The following KANK1 variants were observed in gnomAD, a reference collection of about 807,000 sequenced individuals.
KANK1 encodes KN motif and ankyrin repeat domains 1.
Under a neutral mutation model 106.2 loss-of-function variants are expected in KANK1, and 109 were observed. The observed-to-expected ratio is 1.03, with a 90% CI of 0.88 to 1.20. The LOEUF (loss-of-function observed/expected upper bound fraction) is 1.20, where lower values mean the gene tolerates loss of function less well. Among genes scored for constraint, KANK1 ranks in the 50% most tolerant of loss-of-function variants. The pLI is 0.00. For synonymous variants in KANK1, 873 were observed against 652.2 expected, an observed-to-expected ratio of 1.34 and a Z score of -5.16; for missense variants, 2,399 against 1,710.7, an observed-to-expected ratio of 1.40 and a Z score of -7.10.
chr9:573,303 T>C (rs1819680771), intron 1 of KANK1, among the ~76,000 whole-genome samples: 1 of 152,160 alleles, frequency 6.6e-6, no homozygotes, highest in African/African-American at 2.4e-5. Context: ...AGAGTCTCGC[T>C]CTGTCACCCA....
intron 1 of KANK1, among the ~76,000 whole-genome samples, chr9:563,082 C>T (rs1307653132): frequency 6.6e-6 from 1 of 152,222 alleles, no homozygotes; most frequent in East Asian, 1.9e-4. Context: ...GAGATTAGAT[C>T]AAGTACTCTT....
At chr9:636,521 C>G (rs889844858) in intron 1 of KANK1, among the ~76,000 whole-genome samples, 4 of 152,098 alleles carry the variant, frequency 2.6e-5, no homozygotes, top group African/African-American at 9.7e-5. Flanking sequence ...CAACAGAGTC[C>G]GAAACGTTGT....
At chr9:741,939 C>G (rs1835690457) in intron 9 of KANK1, among the ~76,000 whole-genome samples, 1 of 152,200 alleles carries the variant, frequency 6.6e-6, no homozygotes, top group Admixed American at 6.5e-5. Context: ...CTTTTAACCA[C>G]CACCTGAACT....
Position 678,960 on chromosome 9 carries a change from C to A in KANK1, c.37+1951C>A, listed in dbSNP as rs139695149. On this transcript the variant is annotated intron_variant, in intron 2 of 11. Transcript: ENST00000382297. The stretch of plus-strand genomic sequence containing the variant: ...TTCTTCTGGTGCCTTGGGCAAAATC[C>A]TTTCTTCATGGGTTTAGATACCTAC... 2.6e-4 allele frequency among the ~76,000 whole-genome samples: 39 copies of A among 152,172 alleles called. 1 individual carries two copies. The East Asian group carries it at 7.2e-3, about 28-fold the overall frequency.
chr9:610,065 C>G (rs933547171), intron 1 of KANK1, among the ~76,000 whole-genome samples: 3 of 152,110 alleles, frequency 2.0e-5, no homozygotes, highest in Admixed American at 2.0e-4. Context: ...ATAAAACTGA[C>G]TTTCTCATGT....
intron 1 of KANK1, among the ~76,000 whole-genome samples, chr9:520,059 C>T (rs747207360): frequency 6.6e-6 from 1 of 151,708 alleles, no homozygotes; most frequent in African/African-American, 2.4e-5. Context: ...TGACCATAGC[C>T]GGGTGCGGTG....
chr9:639,854 C>T (rs187527808), intron 1 of KANK1, among the ~76,000 whole-genome samples: 1 of 152,174 alleles, frequency 6.6e-6, no homozygotes, highest in Non-Finnish European at 1.5e-5. Flanking sequence ...ATAGTGCCTT[C>T]TATGTCCTTA....
intron 2 of KANK1, chr9:707,122 T>G (rs1424576134): frequency 1.0e-6 from 1 of 985,344 alleles, no homozygotes; most frequent in Admixed American, 6.1e-5. Flanking sequence ...CGGCCAAGTT[T>G]ACACGAATGT....
intron 5 of KANK1, chr9:731,547 C>G (rs1832273120): frequency 8.1e-6 from 2 of 245,714 alleles, no homozygotes; most frequent in Non-Finnish European, 1.6e-5. Flanking sequence ...CAGCAGGGTT[C>G]CTGCACTGTG....
intron 2 of KANK1, among the ~76,000 whole-genome samples, chr9:471,876 G>T (rs1412579010): frequency 6.6e-6 from 1 of 152,164 alleles, no homozygotes; most frequent in East Asian, 1.9e-4. Context: ...GTAGGTGGGT[G>T]TTGCTAGCCA....
intron 1 of KANK1, among the ~76,000 whole-genome samples, chr9:531,686 T>C (rs1228255483): frequency 1.3e-5 from 2 of 152,202 alleles, no homozygotes; most frequent in African/African-American, 4.8e-5. Flanking sequence ...CCTTTCTTTC[T>C]GTGAAAAAAG....
intron 3 of KANK1, among the ~76,000 whole-genome samples, chr9:729,280 A>C (rs1589247304): frequency 6.6e-6 from 1 of 152,220 alleles, no homozygotes; most frequent in Admixed American, 6.5e-5. Context: ...CCATCATACA[A>C]GTCATCTTGT....
intron 3 of KANK1, among the ~76,000 whole-genome samples, chr9:477,594 G>T (rs1330790795): frequency 5.9e-5 from 9 of 152,210 alleles, no homozygotes; most frequent in Non-Finnish European, 1.0e-4. Context: ...GGGGAAAAGT[G>T]AGTTTTATGT....
chr9:555,241 G>A (rs1322478735), intron 1 of KANK1, among the ~76,000 whole-genome samples: 2 of 152,130 alleles, frequency 1.3e-5, no homozygotes, highest in Non-Finnish European at 2.9e-5. Context: ...GCAGGATGGC[G>A]ATCTGAAGTC....
In KANK1 at chr9:504,774, C is replaced by G. The variant is rs536682323; in HGVS notation, c.-84+20C>G. The G allele has an allele frequency of 6.8e-6, 1 of 147,716 alleles. No homozygotes were observed. The highest frequency in any genetic ancestry group is 1.5e-5 in the Non-Finnish European group (1 of 66,996). The allele number at this position is 147,716 out of a possible 1,614,324, so 9.2% of individuals were successfully genotyped here. On this transcript the variant is annotated intron_variant, in intron 1 of 11. Coordinates refer to ENST00000382297, the MANE Select transcript of KANK1 (RefSeq NM_015158.5). ...CCGAAGGTGAGTGACGCGGCGGGGC[C>G]GTGCCGCGCCCCGTGCCGCGGCGAG...
At chr9:614,630 G>A (rs58960694) in intron 1 of KANK1, among the ~76,000 whole-genome samples, 46,718 of 151,672 alleles carry the variant, frequency 0.31, 7,793 homozygotes, top group African/African-American at 0.42. Context: ...ACTAAATGCC[G>A]GAAGTGCCCC....
In KANK1 at chr9:534,458, G is replaced by A. The variant is rs547246560; in HGVS notation, c.-84+29704G>A. The stretch of plus-strand genomic sequence containing the variant: ...CAGCAGGACCTAAGGAGATTTTCTC[G>A]AAAGAAAAGGGGAAAATGCCGCTCT... On this transcript the variant is annotated intron_variant, in intron 1 of 11. Coordinates refer to ENST00000382297, the MANE Select transcript of KANK1 (RefSeq NM_015158.5). Among the ~76,000 whole-genome samples the A allele has an allele frequency of 2.0e-5, 3 of 152,250 alleles. No individual in the cohort carries two copies. The South Asian group carries it at 6.2e-4, about 32-fold the overall frequency.
At chr9:510,134 A>G (rs1307554044) in intron 1 of KANK1, among the ~76,000 whole-genome samples, 5 of 152,144 alleles carry the variant, frequency 3.3e-5, no homozygotes, top group South Asian at 2.1e-4. Context: ...TAAATTGCTA[A>G]TATGTTACCT....
chr9:739,347 A>G (rs1244798231), intron 8 of KANK1, among the ~76,000 whole-genome samples: 1 of 152,226 alleles, frequency 6.6e-6, no homozygotes, highest in African/African-American at 2.4e-5. Context: ...ATATGCAATC[A>G]TACTGTCCAA....
Sources: allele counts gnomAD v4.1 joint callset (sites outside exome capture counted in the v4.1 genomes callset), GRCh38; gene constraint gnomAD v4.1.1; transcripts MANE v1.5; gene names NCBI Gene and HGNC (gene_info 2026-07-23, HGNC 2026-07-21).